Variants in NFASC observed in about 807,000 individuals in gnomAD.
The protein encoded by NFASC is neurofascin homolog.
Under a neutral mutation model 147.5 loss-of-function variants are expected in NFASC, and 43 were observed. The ratio of observed to expected loss-of-function variants is 0.29; its 90% CI spans 0.23 to 0.38. The LOEUF is 0.38. Ranked by LOEUF, NFASC falls within the 10% of genes least tolerant of loss-of-function variation. The pLI is 1.00. For missense variants in NFASC, 1,320 were observed against 1,689.0 expected (o/e 0.78, Z 3.83); for synonymous variants, 622 against 665.5 (o/e 0.93, Z 1.01).
intron 4 of NFASC, among the ~76,000 whole-genome samples, chr1:204,951,117 C>T (rs12064352): frequency 6.6e-6 from 1 of 150,700 alleles, no homozygotes; most frequent in African/African-American, 2.4e-5. Flanking sequence ...AACTAAAAGT[C>T]TGGCCTTCAG....
Position 204,856,088 on chromosome 1 carries a change from T to G in NFASC, c.-200+27306T>G, listed in dbSNP as rs1308061711. Among the ~76,000 whole-genome samples the G allele has an allele frequency of 1.1e-4, 17 of 152,186 alleles. No individual in the cohort carries two copies. In the East Asian group the frequency reaches 3.3e-3, roughly 30 times the overall value. On this transcript the variant is annotated intron_variant, in intron 1 of 29. Transcript: ENST00000339876. ...CCGCCAGTCCACGGCTAGGGCCTTTTGACTCATAATTGCTGTTCCCTCCTG... is the reference window on the plus strand; with the variant it reads ...CCGCCAGTCCACGGCTAGGGCCTTTGGACTCATAATTGCTGTTCCCTCCTG...
At chr1:204,904,285 A>T (rs1471839525) in intron 1 of NFASC, among the ~76,000 whole-genome samples, 1 of 152,038 alleles carries the variant, frequency 6.6e-6, no homozygotes, top group Non-Finnish European at 1.5e-5. Context: ...TTTAGTAGAA[A>T]CGGGGTTTTG....
In NFASC at chr1:204,944,456, G is replaced by T. The variant is rs753536787; in HGVS notation, c.91+50G>T. ...CTTTTTTTTCCTGATTTTGGGCAGA[G>T]GGGTGGGAGGGGAGGGAAGGTCAGA... is the stretch of plus-strand genomic sequence containing the variant. On this transcript the variant is annotated intron_variant, in intron 3 of 29. Transcript: ENST00000339876. 3.4e-6 allele frequency: 4 copies of T among 1,175,422 alleles called. No homozygotes were observed. In the African/African-American group the frequency reaches 4.6e-5, roughly 14 times the overall value. The allele number at this position is 1,175,422 out of a possible 1,614,324, so 72.8% of individuals were successfully genotyped here. A position where few individuals can be genotyped will look rare whatever the true frequency, so the allele number is the denominator to read the frequency against.
chr1:204,953,984 GT>G (rs2094291787), intron 5 of NFASC, among the ~76,000 whole-genome samples: 1 of 152,060 alleles, frequency 6.6e-6, no homozygotes, highest in African/African-American at 2.4e-5. Flanking sequence ...AGTCACTTGG[GT>G]GGGACCTGGG....
At chr1:204,878,162 A>G (rs1247234063) in intron 1 of NFASC, among the ~76,000 whole-genome samples, 2 of 152,216 alleles carry the variant, frequency 1.3e-5, no homozygotes, top group African/African-American at 4.8e-5. Context: ...TCAAACATCT[A>G]CTAGGTACTG....
At chr1:204,876,060 T>C (rs914675430) in intron 1 of NFASC, among the ~76,000 whole-genome samples, 8 of 152,234 alleles carry the variant, frequency 5.3e-5, no homozygotes, top group Non-Finnish European at 1.2e-4. Context: ...CCTAAATTAC[T>C]AGTGAGGCAT....
chr1:204,964,689 A>T (rs1041571853), intron 8 of NFASC, among the ~76,000 whole-genome samples: 3 of 152,220 alleles, frequency 2.0e-5, no homozygotes, highest in African/African-American at 7.2e-5. Context: ...TGAGATGCCA[A>T]GAATCTGGCC....
At position 205,016,444 on chromosome 1, in the gene NFASC, G is replaced by A; in HGVS notation, c.3628G>A (p.Gly1210Ser). ...GTTCAATGAAGACGGCTCCTTCATC[G>A]GCCAGTACACGGTCAAAAAGGACAA... ...GQFNEDGSFI[G>S]QYTVKKDKEE... Residue 1210 changes from glycine to serine, a missense_variant, in exon 30 of 30, where the codon GGC becomes AGC. Gly to Ser is a moderately conservative substitution (Grantham distance 56, BLOSUM62 0). Coordinates refer to ENST00000339876, the MANE Select transcript of NFASC (RefSeq NM_001005388.3). The surrounding 1 kb of genome is among the most constrained non-coding windows in gnomAD (Gnocchi z 5.1). 1.9e-6 allele frequency: 3 copies of A among 1,614,098 alleles called. No individual in the cohort carries two copies. Among genetic ancestry groups the A allele is most frequent in the South Asian group, 1.1e-5 (1 of 91,082 alleles).
At chr1:204,993,459 C>T (rs2095784519) in intron 24 of NFASC, among the ~76,000 whole-genome samples, 1 of 152,254 alleles carries the variant, frequency 6.6e-6, no homozygotes, top group African/African-American at 2.4e-5. Flanking sequence ...ATGAATGACA[C>T]ATGTCATCTC....
intron 2 of NFASC, among the ~76,000 whole-genome samples, chr1:204,936,188 C>A: frequency 8.8e-6 from 1 of 113,896 alleles, no homozygotes. Flanking sequence ...GATTCCCTCT[C>A]TCTCTCTTTC....
At chr1:204,962,082 T>G (rs1168603887) in intron 8 of NFASC, 2 of 1,604,802 alleles carry the variant, frequency 1.2e-6, no homozygotes, top group Non-Finnish European at 1.7e-6. Flanking sequence ...GCCTCCTGTT[T>G]GCTCACCCTC....
At chr1:204,942,945 G>A (rs368833048) in intron 2 of NFASC, among the ~76,000 whole-genome samples, 1 of 152,220 alleles carries the variant, frequency 6.6e-6, no homozygotes, top group Admixed American at 6.5e-5. Flanking sequence ...CAGAAGGATG[G>A]CCTTGTCTCC....
In NFASC at chr1:204,901,640, C is replaced by T. The variant is rs1477321706; in HGVS notation, c.-199-18992C>T. On this transcript the variant is annotated intron_variant, in intron 1 of 29. Transcript: ENST00000339876. ...TTATAAGCCATAAATGTGGGCAACT[C>T]TTCTGAGGCCTTTCCTTGTGAAGGA... Among the ~76,000 whole-genome samples the T allele has an allele frequency of 2.0e-5, 3 of 152,116 alleles. No individual in the cohort carries two copies. In the East Asian group the frequency reaches 5.8e-4, roughly 29 times the overall value.
At chr1:204,837,378 G>A (rs2102432658) in intron 1 of NFASC, among the ~76,000 whole-genome samples, 1 of 152,298 alleles carries the variant, frequency 6.6e-6, no homozygotes, top group South Asian at 2.1e-4. Context: ...AGCTAGTGTG[G>A]TCAGGCATGG....
At chr1:204,842,389 G>T (rs759127467) in intron 1 of NFASC, among the ~76,000 whole-genome samples, 2 of 152,128 alleles carry the variant, frequency 1.3e-5, no homozygotes, top group Non-Finnish European at 2.9e-5. Flanking sequence ...GCACTGTATT[G>T]CTTCAATTTG....
rs149241758 is a variant in NFASC, at chr1:204,926,516, T to G, written c.-91+5776T>G. Reference sequence around the variant, plus strand: ...GCAGCCTCAACTTCCTGGGCTCAAGTGATCCTCCCGTCTCAGCCTCTTGAG... The same window carrying G: ...GCAGCCTCAACTTCCTGGGCTCAAGGGATCCTCCCGTCTCAGCCTCTTGAG... On this transcript the variant is annotated intron_variant, in intron 2 of 29. Coordinates refer to ENST00000339876, the MANE Select transcript of NFASC (RefSeq NM_001005388.3). Among the ~76,000 whole-genome samples the G allele has an allele frequency of 2.5e-3, 366 of 147,578 alleles. 1 individual carries two copies. Among genetic ancestry groups the G allele is most frequent in the Non-Finnish European group, 4.7e-3 (314 of 67,498 alleles).
chr1:204,990,563 CAAAAAAAAAA>C (rs55745283), intron 23 of NFASC: 1 of 126,710 alleles, frequency 7.9e-6, no homozygotes, highest in Non-Finnish European at 1.6e-5. Context: ...GCTCTCAGTC[CAAAAAAAAAA>C]AAAAAAGAAA....
chr1:205,012,672 T>C, intron 28 of NFASC, 125 bp from the exon 29 acceptor site: 1 of 763,240 alleles, frequency 1.3e-6, no homozygotes, highest in Non-Finnish European at 2.4e-6. Flanking sequence ...GATGGTGCCT[T>C]GTTAAAAAAG....
intron 1 of NFASC, among the ~76,000 whole-genome samples, chr1:204,861,832 G>A (rs2076707837): frequency 6.6e-6 from 1 of 152,142 alleles, no homozygotes; most frequent in African/African-American, 2.4e-5. Flanking sequence ...CTTCTTTTGA[G>A]CGAGTGGACA....
Sources: allele counts gnomAD v4.1 joint callset (sites outside exome capture counted in the v4.1 genomes callset), GRCh38; gene constraint gnomAD v4.1.1; non-coding constraint Gnocchi (gnomAD v3.1); transcripts MANE v1.5; gene names NCBI Gene and HGNC (gene_info 2026-07-23, HGNC 2026-07-21).